KCNMA1: variants seen among roughly 807,000 people sequenced by gnomAD.
The protein encoded by KCNMA1 is Calcium-activated potassium channel subunit alpha-1.
Under a neutral mutation model 140.0 loss-of-function variants are expected in KCNMA1, and 29 were observed. That is an observed-to-expected ratio of 0.21 (90% CI 0.15 to 0.28). The LOEUF (loss-of-function observed/expected upper bound fraction) is 0.28. Among genes scored for constraint, KCNMA1 ranks in the 10% least tolerant of loss-of-function variants. The pLI is 1.00. For synonymous variants in KCNMA1, 612 were observed against 611.9 expected, an observed-to-expected ratio of 1.00 and a Z score of 0.00; for missense variants, 880 against 1,602.2, an observed-to-expected ratio of 0.55 and a Z score of 7.70.
At chr10:76,895,281 G>A (rs777323588) in intron 25 of KCNMA1, among the ~76,000 whole-genome samples, 7 of 152,122 alleles carry the variant, frequency 4.6e-5, no homozygotes, top group African/African-American at 1.2e-4. Flanking sequence ...TGCCAATGCC[G>A]CTGGCCGAAT....
intron 6 of KCNMA1, 93 bp from the exon 7 acceptor site, chr10:77,112,535 G>C (rs1267911965): frequency 1.2e-6 from 1 of 850,760 alleles, no homozygotes; most frequent in Non-Finnish European, 2.0e-6. Context: ...CTTAGCAGGA[G>C]AGGCTGCCAC....
chr10:77,021,458 A>G (rs985562539), intron 16 of KCNMA1, among the ~76,000 whole-genome samples: 3 of 152,200 alleles, frequency 2.0e-5, no homozygotes, highest in African/African-American at 7.2e-5. Context: ...TCCTCACAGC[A>G]CCATCACCCT....
chr10:77,395,609 T>C (rs920121772), intron 2 of KCNMA1, among the ~76,000 whole-genome samples: 1 of 152,230 alleles, frequency 6.6e-6, no homozygotes. Flanking sequence ...TATATGCTGA[T>C]ATGCATTGGC....
At chr10:77,024,720 A>T (rs2093236098) in intron 16 of KCNMA1, among the ~76,000 whole-genome samples, 1 of 152,204 alleles carries the variant, frequency 6.6e-6, no homozygotes, top group Non-Finnish European at 1.5e-5. Context: ...AGTCTGTCTC[A>T]ATAAACAGTA....
chr10:77,347,853 T>C (rs980366629), intron 2 of KCNMA1, among the ~76,000 whole-genome samples: 4 of 152,236 alleles, frequency 2.6e-5, no homozygotes, highest in Admixed American at 2.0e-4. Flanking sequence ...TCAGAAACTG[T>C]ACTAAAACCT....
chr10:77,526,836 C>G (rs2055899199), intron 1 of KCNMA1, among the ~76,000 whole-genome samples: 1 of 152,122 alleles, frequency 6.6e-6, no homozygotes, highest in South Asian at 2.1e-4. Context: ...CTCTCTCTCT[C>G]TCTTCCCCCT....
intron 2 of KCNMA1, among the ~76,000 whole-genome samples, chr10:77,311,755 C>T (rs892616215): frequency 1.3e-5 from 2 of 152,218 alleles, no homozygotes; most frequent in South Asian, 4.1e-4. Flanking sequence ...CAGCCCTCTG[C>T]AGGAGCATGA....
intron 3 of KCNMA1, among the ~76,000 whole-genome samples, chr10:77,247,929 C>T (rs565771939): frequency 6.6e-6 from 1 of 152,258 alleles, no homozygotes; most frequent in Admixed American, 6.5e-5. Context: ...ATAGTAATCA[C>T]TTGCAGCTAC....
intron 17 of KCNMA1, among the ~76,000 whole-genome samples, chr10:77,014,494 A>G (rs7076675): frequency 0.026 from 3,953 of 151,482 alleles, 212 homozygotes; most frequent in East Asian, 0.19. Flanking sequence ...ATTTTTAACT[A>G]TAGTCACCAC....
intron 2 of KCNMA1, among the ~76,000 whole-genome samples, chr10:77,288,103 G>A (rs75975601): frequency 9.5e-4 from 145 of 152,330 alleles, no homozygotes; most frequent in Middle Eastern, 3.4e-3. Flanking sequence ...CCATTATGCA[G>A]AGAAATGGGC....
chr10:77,029,486 C>A (rs1048583091), intron 15 of KCNMA1, among the ~76,000 whole-genome samples: 3 of 152,310 alleles, frequency 2.0e-5, no homozygotes, highest in Non-Finnish European at 2.9e-5. Context: ...AGGTCTCTAG[C>A]TAATACCTGG....
chr10:77,556,275 C>T (rs2064332116), intron 1 of KCNMA1, among the ~76,000 whole-genome samples: 1 of 152,110 alleles, frequency 6.6e-6, no homozygotes, highest in East Asian at 1.9e-4. Context: ...GAGGCCGAGG[C>T]AGGTGGATCA....
intron 5 of KCNMA1, among the ~76,000 whole-genome samples, chr10:77,148,024 A>C (rs2098341419): frequency 6.6e-6 from 1 of 151,910 alleles, no homozygotes; most frequent in Non-Finnish European, 1.5e-5. Context: ...ACATGTAAGG[A>C]GGTGCTCCTT....
chr10:77,253,126 GTGC>G (rs1350237274), intron 2 of KCNMA1, among the ~76,000 whole-genome samples: 1 of 152,230 alleles, frequency 6.6e-6, no homozygotes, highest in Admixed American at 6.5e-5. Context: ...ATTTTGATCT[GTGC>G]TGCTATTTCT....
intron 19 of KCNMA1, among the ~76,000 whole-genome samples, chr10:76,975,106 G>C (rs984988357): frequency 6.6e-6 from 1 of 152,024 alleles, no homozygotes; most frequent in African/African-American, 2.4e-5. Context: ...CATTTCCTTC[G>C]GCCGTCAGCG....
At chr10:77,407,008 G>A (rs1490866377) in intron 1 of KCNMA1, among the ~76,000 whole-genome samples, 1 of 152,090 alleles carries the variant, frequency 6.6e-6, no homozygotes, top group Non-Finnish European at 1.5e-5. Flanking sequence ...TAGCACAAGA[G>A]GTATGTGGCA....
At chr10:77,436,990 ACACACAC>A (rs766203725) in intron 1 of KCNMA1, among the ~76,000 whole-genome samples, 10,249 of 148,482 alleles carry the variant, frequency 0.069, 372 homozygotes, top group East Asian at 0.12. Context: ...ACACACACAC[ACACACAC>A]TCCTTCAGCC....
At chr10:77,401,383 C>T (rs907064430) in intron 2 of KCNMA1, among the ~76,000 whole-genome samples, 1 of 152,212 alleles carries the variant, frequency 6.6e-6, no homozygotes, top group East Asian at 1.9e-4. Context: ...TCTCGATCTC[C>T]GGACCTCGTG....
chr10:77,564,886 G>A (rs762160931), intron 1 of KCNMA1, among the ~76,000 whole-genome samples: 2 of 152,190 alleles, frequency 1.3e-5, no homozygotes, highest in Non-Finnish European at 2.9e-5. Context: ...GAGGTAAAAG[G>A]AGTTCAGAGG....
Sources: allele counts gnomAD v4.1 joint callset (sites outside exome capture counted in the v4.1 genomes callset), GRCh38; gene constraint gnomAD v4.1.1; transcripts MANE v1.5; gene names NCBI Gene and HGNC (gene_info 2026-07-23, HGNC 2026-07-21).